Variants in SH3BP2 observed in about 807,000 individuals in gnomAD.
SH3BP2 encodes the protein SH3 domain-binding protein 2.
Under a neutral mutation model 56.2 loss-of-function variants are expected in SH3BP2, and 38 were observed. The observed-to-expected ratio is 0.68, with a 90% CI of 0.52 to 0.89. SH3BP2 has a LOEUF of 0.89. Ranked by LOEUF, SH3BP2 falls within the 40% of genes least tolerant of loss-of-function variation. The pLI is 0.00. For missense variants in SH3BP2, 748 were observed against 762.6 expected, an observed-to-expected ratio of 0.98 and a Z score of 0.23; for synonymous variants, 346 against 316.7, an observed-to-expected ratio of 1.09 and a Z score of -0.98.
chr4:2,820,559 C>CA, intron 1 of SH3BP2, 55 bp from the exon 2 acceptor site: 1 of 1,612,620 alleles, frequency 6.2e-7, no homozygotes, highest in Non-Finnish European at 8.5e-7. Flanking sequence ...CGCCCTGGCT[C>CA]AGCCATCTCC....
chr4:2,822,657 A>C (rs1045123287), intron 2 of SH3BP2, among the ~76,000 whole-genome samples: 4 of 152,228 alleles, frequency 2.6e-5, no homozygotes, highest in Admixed American at 6.5e-5. Flanking sequence ...TGCTGGCTCC[A>C]CACAGCCCCC....
At chr4:2,806,773 C>T (rs1402782597) in intron 1 of SH3BP2, among the ~76,000 whole-genome samples, 1 of 152,240 alleles carries the variant, frequency 6.6e-6, no homozygotes, top group Admixed American at 6.5e-5. Flanking sequence ...GACTCCCATG[C>T]CCATCTCAAG....
At chr4:2,832,307 G>A (rs753080311) in intron 10 of SH3BP2, 24 bp from the exon 11 acceptor site, 35 of 1,596,660 alleles carry the variant, frequency 2.2e-5, no homozygotes, top group African/African-American at 2.7e-5. Flanking sequence ...GGACTCACCC[G>A]CTAATATGAC....
Position 2,829,802 on chromosome 4 carries a change from A to G in SH3BP2, c.896A>G (p.Glu299Gly). ...PGLRKPPCFR[E>G]SASPSPEPWT... The stretch of plus-strand genomic sequence containing the variant: ...CTCCGGAAACCCCCTTGCTTCCGGG[A>G]GAGTGCCAGCCCCAGCCCGGAGCCC... Residue 299 changes from glutamate to glycine, a missense_variant, in exon 8 of 13, where the codon GAG becomes GGG. By Grantham distance (98) the Glu-to-Gly change is moderately conservative. Transcript: ENST00000503393. The surrounding 1 kb of genome is among the most constrained non-coding windows in gnomAD (Gnocchi z 4.9). 1 of 1,613,076 alleles carries G rather than the reference A, an allele frequency of 6.2e-7. No homozygotes were observed. The highest frequency in any genetic ancestry group is 8.5e-7 in the Non-Finnish European group (1 of 1,179,870).
chr4:2,800,765 C>A (rs539360730), intron 1 of SH3BP2, among the ~76,000 whole-genome samples: 1 of 152,304 alleles, frequency 6.6e-6, no homozygotes, highest in African/African-American at 2.4e-5. Flanking sequence ...GCGCCATCCC[C>A]AGGGAGCAGT....
intron 1 of SH3BP2, among the ~76,000 whole-genome samples, chr4:2,801,660 C>A (rs1398909359): frequency 6.6e-6 from 1 of 152,154 alleles, no homozygotes; most frequent in African/African-American, 2.4e-5. Flanking sequence ...AGCGCAAGGA[C>A]AAGACCCAGC....
chr4:2,827,170 C>A, intron 5 of SH3BP2, 60 bp from the exon 6 acceptor site: 1 of 1,365,894 alleles, frequency 7.3e-7, no homozygotes, highest in Non-Finnish European at 1.0e-6. Flanking sequence ...TTTGTGTGAG[C>A]ATCAAGGGAC....
intron 1 of SH3BP2, among the ~76,000 whole-genome samples, chr4:2,803,932 G>A (rs75717922): frequency 2.6e-5 from 4 of 152,264 alleles, no homozygotes; most frequent in Middle Eastern, 3.4e-3. Flanking sequence ...CTTGGATCCC[G>A]GGTGCAGGGT....
rs763881667 is a variant in SH3BP2 at position 2,829,663 on chromosome 4, G to A, written c.757G>A (p.Asp253Asn). ...GLPDVGLAAEDSKRDPLCPRR... is the reference protein window; with the variant it reads ...GLPDVGLAAENSKRDPLCPRR... ...CCCAGATGTTGGCCTGGCTGCTGAGGACTCCAAGAGGGACCCACTGTGCCC... is the reference window on the plus strand; with the variant it reads ...CCCAGATGTTGGCCTGGCTGCTGAGAACTCCAAGAGGGACCCACTGTGCCC... Residue 253 changes from aspartate (D) to asparagine (N), a missense_variant, in exon 8 of 13, where the codon GAC (aspartate) becomes AAC (asparagine). Asp to Asn is a conservative substitution (Grantham distance 23). Around this residue, in one of 3 missense-constraint regions of SH3BP2, gnomAD observed 635 missense variants for 615.0 expected, o/e 1.03. Transcript: ENST00000503393. The surrounding 1 kb of genome is among the most constrained non-coding windows in gnomAD (Gnocchi z 4.9). 13 of 1,613,164 alleles carry A rather than the reference G, an allele frequency of 8.1e-6. No homozygotes were observed. Among genetic ancestry groups the A allele is most frequent in the Admixed American group, 3.3e-5 (2 of 60,006 alleles).
chr4:2,800,615 G>A (rs948240178), intron 1 of SH3BP2, among the ~76,000 whole-genome samples: 8 of 151,950 alleles, frequency 5.3e-5, no homozygotes, highest in African/African-American at 1.7e-4. Flanking sequence ...AGGCTGTCTC[G>A]GGCTCCCGTG....
chr4:2,805,639 T>G (rs1723503884), intron 1 of SH3BP2, among the ~76,000 whole-genome samples: 1 of 152,020 alleles, frequency 6.6e-6, no homozygotes, highest in Non-Finnish European at 1.5e-5. Flanking sequence ...GAGGGGCAGA[T>G]AGCCAACAGA....
Position 2,830,044 on chromosome 4 carries a change from C to G in SH3BP2, c.1138C>G (p.Pro380Ala), listed in dbSNP as rs1724897317. The G allele has an allele frequency of 6.2e-7, 1 of 1,612,348 alleles. No homozygotes were observed. Among genetic ancestry groups the G allele is most frequent in the Non-Finnish European group, 8.5e-7 (1 of 1,179,844 alleles). ...AGCCATGCCCGGACTCTTTGTGCCCCCCGTGGCTCCCCGGCCTCCTGCGCT... is the reference window on the plus strand; with the variant it reads ...AGCCATGCCCGGACTCTTTGTGCCCGCCGTGGCTCCCCGGCCTCCTGCGCT... The part of the protein sequence containing the change: ...EAAMPGLFVP[P>A]VAPRPPALKL... The change falls in exon 8 of 13, where the codon CCC (proline) becomes GCC (alanine). Residue 380 changes from proline (P) to alanine (A), a missense_variant. Around this residue, in one of 3 missense-constraint regions of SH3BP2, gnomAD observed 635 missense variants for 615.0 expected, o/e 1.03. Coordinates refer to ENST00000503393, the MANE Select transcript of SH3BP2 (RefSeq NM_001122681.2).
chr4:2,809,322 C>G (rs1170123771), intron 1 of SH3BP2, among the ~76,000 whole-genome samples: 1 of 149,872 alleles, frequency 6.7e-6, no homozygotes, highest in Non-Finnish European at 1.5e-5. Flanking sequence ...CCCTCCCTCC[C>G]TGGGCTCATT....
At chr4:2,832,452 C>A (rs1379947252) in intron 11 of SH3BP2, 40 bp downstream of exon 11, 1 of 1,504,250 alleles carries the variant, frequency 6.6e-7, no homozygotes, top group Admixed American at 1.7e-5. Flanking sequence ...CCCTCTGGCT[C>A]TCCACACACC....
intron 1 of SH3BP2, among the ~76,000 whole-genome samples, chr4:2,805,439 G>A (rs1254217962): frequency 6.6e-6 from 1 of 152,168 alleles, no homozygotes; most frequent in Non-Finnish European, 1.5e-5. Context: ...GCCAGATGGT[G>A]TAATTCAGCA....
Position 2,793,147 on chromosome 4 carries a change from C to T in SH3BP2, c.-5+9C>T, listed in dbSNP as rs1722950694. ...AGGAGAGCGCTCGGCGGGTAAGCCT[C>T]GGCGGCGGGTCTCGGCGGGTCTCGG... On this transcript the variant is annotated intron_variant, in intron 1 of 12. Transcript: ENST00000503393. The T allele has an allele frequency of 6.8e-6, 1 of 146,730 alleles. No individual in the cohort carries two copies. The highest frequency in any genetic ancestry group is 2.1e-4 in the South Asian group (1 of 4,750). 9.1% of individuals were successfully genotyped at this position (146,730 alleles called of 1,614,324 possible). A position where few individuals can be genotyped will look rare whatever the true frequency, so the allele number is the denominator to read the frequency against.
intron 5 of SH3BP2, among the ~76,000 whole-genome samples, chr4:2,825,534 G>GCA (rs10584126): frequency 1.3e-5 from 2 of 151,024 alleles, no homozygotes; most frequent in African/African-American, 2.4e-5. Flanking sequence ...ACGTGGACAT[G>GCA]CACACACACA....
At chr4:2,832,438 G>C in intron 11 of SH3BP2, 26 bp downstream of exon 11, 1 of 1,583,752 alleles carries the variant, frequency 6.3e-7, no homozygotes. Context: ...AGATGCCCCA[G>C]GGCCCCTCTG....
At chr4:2,800,405 G>A (rs1723219625) in intron 1 of SH3BP2, among the ~76,000 whole-genome samples, 1 of 152,178 alleles carries the variant, frequency 6.6e-6, no homozygotes, top group Non-Finnish European at 1.5e-5. Flanking sequence ...GCCCCTGCCT[G>A]AGCTGCCCGA....
Sources: gnomAD v4.1 joint callset for allele counts (sites outside exome capture counted in the v4.1 genomes callset) on GRCh38, gnomAD v4.1.1 for gene constraint, gnomAD v4.1.1 regional missense constraint, Gnocchi (gnomAD v3.1) non-coding constraint, MANE v1.5 for transcripts, NCBI Gene and HGNC (gene_info 2026-07-23, HGNC 2026-07-21) for gene names.